The following CLUL1 variants were observed in gnomAD, a reference collection of about 807,000 sequenced individuals.
CLUL1 encodes the protein clusterin like 1.
Under a neutral mutation model 49.4 loss-of-function variants are expected in CLUL1, and 43 were observed. The observed-to-expected ratio is 0.87, with a 90% confidence interval of 0.68 to 1.12. The LOEUF is 1.12. CLUL1 is among the 50% of genes most tolerant of loss of function. CLUL1 has a pLI of 0.00. For synonymous variants in CLUL1, 192 were observed against 184.9 expected (o/e 1.04, Z -0.31); for missense variants, 486 against 544.4 (o/e 0.89, Z 1.07).
At chr18:635,731 C>G (rs933399276) in intron 7 of CLUL1, among the ~76,000 whole-genome samples, 1 of 152,070 alleles carries the variant, frequency 6.6e-6, no homozygotes, top group South Asian at 2.1e-4. Context: ...CAAATCGCGC[C>G]GTTCAGAGAA....
At chr18:616,612 C>G (rs2073300919) in intron 2 of CLUL1, 1 of 403,416 alleles carries the variant, frequency 2.5e-6, no homozygotes, top group African/African-American at 2.2e-5. Flanking sequence ...TTGTAAATCT[C>G]AAAATGTTGG....
chr18:630,683 T>A (rs2073969397), intron 6 of CLUL1, among the ~76,000 whole-genome samples: 1 of 107,472 alleles, frequency 9.3e-6, no homozygotes, highest in African/African-American at 4.1e-5. Flanking sequence ...TTTTTTTTTT[T>A]TTTTTTTTTT....
intron 1 of CLUL1, among the ~76,000 whole-genome samples, chr18:600,041 G>T (rs2072780087): frequency 6.6e-6 from 1 of 152,082 alleles, no homozygotes; most frequent in East Asian, 1.9e-4. Context: ...GATAGTTTTG[G>T]TGACTGGTTT....
intron 2 of CLUL1, among the ~76,000 whole-genome samples, chr18:610,853 A>G (rs2073113537): frequency 6.6e-6 from 1 of 152,150 alleles, no homozygotes; most frequent in Admixed American, 6.5e-5. Flanking sequence ...CCTGGGAAAC[A>G]TGGTGAGACC....
chr18:601,025 T>A (rs2072813386), intron 1 of CLUL1, among the ~76,000 whole-genome samples: 1 of 152,178 alleles, frequency 6.6e-6, no homozygotes, highest in African/African-American at 2.4e-5. Flanking sequence ...AATGGCCTCA[T>A]CTGTCTCATT....
intron 6 of CLUL1, among the ~76,000 whole-genome samples, chr18:631,554 T>C (rs1221990821): frequency 6.6e-6 from 1 of 152,136 alleles, no homozygotes; most frequent in Non-Finnish European, 1.5e-5. Flanking sequence ...AGGTGATGGA[T>C]TGTGCTGTGG....
chr18:622,248 T>G (rs1204495522), intron 4 of CLUL1, among the ~76,000 whole-genome samples: 1 of 152,132 alleles, frequency 6.6e-6, no homozygotes, highest in East Asian at 1.9e-4. Flanking sequence ...TAATATTTAG[T>G]GAGACTATCT....
Position 597,013 on chromosome 18 carries a change from C to A in CLUL1, c.-252C>A, listed in dbSNP as rs1053040026. 1 of 152,536 alleles carries A rather than the reference C, an allele frequency of 6.6e-6. No homozygotes were observed. Among genetic ancestry groups the A allele is most frequent in the Admixed American group, 6.5e-5 (1 of 15,276 alleles). 9.4% of individuals were successfully genotyped at this position (152,536 alleles called of 1,614,324 possible). A position where few individuals can be genotyped will look rare whatever the true frequency, so the allele number is the denominator to read the frequency against. The stretch of plus-strand genomic sequence containing the variant: ...ACCCTGCGTCACCTGCAGGCCCGGG[C>A]CGCGGGGTTGGTTTCCACCCTGGAG... On this transcript the variant is annotated 5_prime_UTR_variant, in exon 1 of 10. Coordinates refer to ENST00000692774, the MANE Select transcript of CLUL1 (RefSeq NM_001393344.1).
At chr18:635,327 G>A (rs2074106142) in intron 7 of CLUL1, among the ~76,000 whole-genome samples, 1 of 152,112 alleles carries the variant, frequency 6.6e-6, no homozygotes, top group Admixed American at 6.6e-5. Flanking sequence ...TCACAATAGG[G>A]TTTGTGCTCC....
At chr18:636,624 C>CTTTTTTTTTTTTT (rs68150473) in intron 7 of CLUL1, among the ~76,000 whole-genome samples, 3 of 122,066 alleles carry the variant, frequency 2.5e-5, no homozygotes, top group African/African-American at 6.2e-5. Flanking sequence ...CCCTTTCTCT[C>CTTTTTTTTTTTTT]TTTTTTTTTT....
chr18:613,087 A>T (rs1260919930), intron 2 of CLUL1: 1 of 367,546 alleles, frequency 2.7e-6, no homozygotes, highest in Non-Finnish European at 4.9e-6. Flanking sequence ...TTTGAAGTCT[A>T]GATTCAATGC....
At position 645,808 on chromosome 18, in the gene CLUL1, AAAATATATATATATAT is replaced by A. The variant is rs1427775137; in HGVS notation, c.1397+713_1397+728del. On this transcript the variant is annotated intron_variant, in intron 9 of 9. Coordinates refer to ENST00000692774, the MANE Select transcript of CLUL1 (RefSeq NM_001393344.1). ...GACTCTGTTTAAAAAAAAAAAAAAA[AAAATATATATATATAT>A]ATATATATATATATATATATATATA... is the stretch of plus-strand genomic sequence containing the variant. 1.7e-3 allele frequency among the ~76,000 whole-genome samples: 97 copies of A among 56,908 alleles called. 10 individuals are homozygous for A. Among genetic ancestry groups the A allele is most frequent in the African/African-American group, 7.1e-3 (89 of 12,618 alleles). The allele number at this position is 56,908 out of a possible 152,430, so 37.3% of individuals were successfully genotyped here.
chr18:648,002 A>G (rs1262713994), intron 9 of CLUL1, among the ~76,000 whole-genome samples: 3 of 152,128 alleles, frequency 2.0e-5, no homozygotes, highest in Non-Finnish European at 4.4e-5. Flanking sequence ...TATTTGTTGA[A>G]TAAATTAATT....
chr18:626,397 G>A lies in CLUL1; in HGVS notation c.424-700G>A, dbSNP rs1280181282. Among the ~76,000 whole-genome samples the A allele has an allele frequency of 4.6e-5, 7 of 152,176 alleles. No individual in the cohort carries two copies. The East Asian group carries it at 1.2e-3, about 25-fold the overall frequency. ...CTTGACCTTTTTAGGCTATTGGTGG[G>A]CAATGTAAACCAGGAGAAATTTCAG... On this transcript the variant is annotated intron_variant, in intron 5 of 9. Coordinates refer to ENST00000692774, the MANE Select transcript of CLUL1 (RefSeq NM_001393344.1).
chr18:648,523 C>T (rs2074581379), intron 9 of CLUL1, among the ~76,000 whole-genome samples: 1 of 152,038 alleles, frequency 6.6e-6, no homozygotes, highest in Non-Finnish European at 1.5e-5. Flanking sequence ...TACCTATTTT[C>T]TTAGATTCCA....
At chr18:644,792 C>A in intron 8 of CLUL1, 118 bp from the exon 9 acceptor site, 1 of 642,792 alleles carries the variant, frequency 1.6e-6, no homozygotes. Context: ...CTAGGAATGC[C>A]AGGACTAATC....
chr18:627,137 C>G lies in CLUL1; in HGVS notation c.464C>G (p.Pro155Arg). The G allele has an allele frequency of 6.2e-7, 1 of 1,612,704 alleles. No homozygotes were observed. Among genetic ancestry groups the G allele is most frequent in the Non-Finnish European group, 8.5e-7 (1 of 1,179,188 alleles). Residue 155 changes from proline to arginine, a missense_variant, in exon 6 of 10, where the codon CCT becomes CGT. By Grantham distance (103) the Pro-to-Arg change is moderately radical. Transcript: ENST00000692774. ...AGGAAGATATATCAATTTCTATTTC[C>G]TTTCCATGAAGATAATGAAAAAGAT... ...FFRKIYQFLF[P>R]FHEDNEKDLP... is the part of the protein sequence containing the mutation.
rs554077004 is a variant in CLUL1 at position 599,835 on chromosome 18, C to A, written c.-136+2706C>A. On this transcript the variant is annotated intron_variant, in intron 1 of 9. Coordinates refer to ENST00000692774, the MANE Select transcript of CLUL1 (RefSeq NM_001393344.1). ...TAGTCCCAGCTACTCATAGTCCCAG[C>A]TACTCAGGAGGCTGAGGCAGGAGAA... Among the ~76,000 whole-genome samples the A allele has an allele frequency of 9.2e-5, 14 of 151,954 alleles. No individual in the cohort carries two copies. The South Asian group carries it at 2.9e-3, about 32-fold the overall frequency.
Position 626,877 on chromosome 18 carries a change from A to C in CLUL1, c.424-220A>C, listed in dbSNP as rs9949739. ...CTCCATCTCAAATAAGAAAGAAAGA[A>C]AGAAAGAAAGAAAGAAAGAAAGAAA... On this transcript the variant is annotated intron_variant, in intron 5 of 9. Transcript: ENST00000692774. Among the ~76,000 whole-genome samples the C allele has an allele frequency of 0.035, 24 of 680 alleles. No homozygotes were observed. In the Non-Finnish European group the frequency reaches 0.36, roughly 10 times the overall value. 0.4% of individuals were successfully genotyped at this position (680 alleles called of 152,430 possible).
Sources: gnomAD v4.1 joint callset for allele counts (sites outside exome capture counted in the v4.1 genomes callset) on GRCh38, gnomAD v4.1.1 for gene constraint, MANE v1.5 for transcripts, NCBI Gene and HGNC (gene_info 2026-07-23, HGNC 2026-07-21) for gene names.